The following SRRM3 variants were observed in gnomAD, a reference collection of about 807,000 sequenced individuals.
SRRM3 encodes the protein serine/arginine repetitive matrix protein 3.
Under a neutral mutation model 66.2 loss-of-function variants are expected in SRRM3, and 27 were observed. The observed-to-expected ratio is 0.41, with a 90% CI of 0.30 to 0.56. The LOEUF (loss-of-function observed/expected upper bound fraction) is 0.56. Ranked by LOEUF, SRRM3 falls within the 20% of genes least tolerant of loss-of-function variation. SRRM3 has a pLI of 0.32. For synonymous variants in SRRM3, 391 were observed against 414.9 expected (o/e 0.94, Z 0.70); for missense variants, 918 against 991.9 (o/e 0.93, Z 1.00).
At chr7:76,277,471 A>G (rs1026628027) in intron 11 of SRRM3, among the ~76,000 whole-genome samples, 2 of 152,016 alleles carry the variant, frequency 1.3e-5, no homozygotes, top group African/African-American at 4.8e-5. Flanking sequence ...AGGCAGGTGG[A>G]TCGCTTGAGG....
intron 2 of SRRM3, among the ~76,000 whole-genome samples, chr7:76,237,585 A>T (rs2117003515): frequency 6.6e-6 from 1 of 152,234 alleles, no homozygotes; most frequent in South Asian, 2.1e-4. Context: ...AAAACAAAAC[A>T]AAAACAAACA....
At position 76,259,854 on chromosome 7, in the gene SRRM3, G is replaced by C; in HGVS notation, c.336-52G>C. On this transcript the variant is annotated intron_variant, in intron 3 of 14. Coordinates refer to ENST00000611745, the MANE Select transcript of SRRM3 (RefSeq NM_001110199.3). Reference sequence around the variant, plus strand: ...TCAGGCCCCCTGCGCCGAGAAAAGGGGTGAAGAAAAGTCGTCCCGAGACTG... The same window carrying C: ...TCAGGCCCCCTGCGCCGAGAAAAGGCGTGAAGAAAAGTCGTCCCGAGACTG... The C allele has an allele frequency of 2.5e-6, 4 of 1,597,712 alleles. No individual in the cohort carries two copies. In the South Asian group the frequency reaches 3.3e-5, roughly 13 times the overall value.
intron 1 of SRRM3, among the ~76,000 whole-genome samples, chr7:76,214,250 G>T (rs539088511): frequency 2.0e-5 from 3 of 150,146 alleles, no homozygotes; most frequent in Non-Finnish European, 4.4e-5. Flanking sequence ...GACTTGGAGA[G>T]GCCACTGCTG....
chr7:76,203,146 A>G (rs1192143491), intron 1 of SRRM3, among the ~76,000 whole-genome samples: 1 of 152,212 alleles, frequency 6.6e-6, no homozygotes, highest in East Asian at 1.9e-4. Flanking sequence ...AGTCAAAAAT[A>G]GGACCCAGCT....
At chr7:76,284,747 C>A (rs1261025936) in intron 14 of SRRM3, among the ~76,000 whole-genome samples, 1 of 152,214 alleles carries the variant, frequency 6.6e-6, no homozygotes, top group Non-Finnish European at 1.5e-5. Flanking sequence ...CAGAATTAAC[C>A]CTGCGACGGG....
chr7:76,211,913 C>G (rs1271064869), intron 1 of SRRM3, among the ~76,000 whole-genome samples: 6 of 148,534 alleles, frequency 4.0e-5, no homozygotes, highest in Non-Finnish European at 7.4e-5. Flanking sequence ...AATCACGGCT[C>G]ACTGCAGCTT....
intron 1 of SRRM3, among the ~76,000 whole-genome samples, chr7:76,207,386 G>T (rs1286900585): frequency 1.3e-5 from 2 of 152,130 alleles, no homozygotes; most frequent in Non-Finnish European, 2.9e-5. Flanking sequence ...AGAAACCAAG[G>T]AGAAAATAGA....
intron 2 of SRRM3, among the ~76,000 whole-genome samples, chr7:76,244,523 CAAAAA>C (rs10611441): frequency 8.9e-6 from 1 of 112,182 alleles, no homozygotes; most frequent in African/African-American, 3.4e-5. Flanking sequence ...GACTCCATCT[CAAAAA>C]AAAAAAAAAA....
At position 76,281,821 on chromosome 7, in the gene SRRM3, G is replaced by A; in HGVS notation, c.1370+19G>A. ...GGAAACGGTGAGCGTGCTGGACCCGGAGCTGGACTCCCGCCCCCACCCCGC... is the reference window on the plus strand; with the variant it reads ...GGAAACGGTGAGCGTGCTGGACCCGAAGCTGGACTCCCGCCCCCACCCCGC... On this transcript the variant is annotated intron_variant, in intron 12 of 14. Transcript: ENST00000611745. 1 of 1,339,734 alleles carries A rather than the reference G, an allele frequency of 7.5e-7. No individual in the cohort carries two copies. The highest frequency in any genetic ancestry group is 9.6e-7 in the Non-Finnish European group (1 of 1,046,706). The allele number at this position is 1,339,734 out of a possible 1,614,324, so 83.0% of individuals were successfully genotyped here.
intron 11 of SRRM3, among the ~76,000 whole-genome samples, chr7:76,281,216 C>T (rs1219856752): frequency 1.3e-5 from 2 of 151,316 alleles, no homozygotes; most frequent in African/African-American, 4.9e-5. Context: ...TTCATTCTCT[C>T]TCTCCGTCTC....
At chr7:76,209,514 G>A (rs1219105104) in intron 1 of SRRM3, among the ~76,000 whole-genome samples, 1 of 152,182 alleles carries the variant, frequency 6.6e-6, no homozygotes, top group Non-Finnish European at 1.5e-5. Context: ...GGATTCAAGG[G>A]ATAGTTACCT....
rs568532229 is a variant in SRRM3 at position 76,255,876 on chromosome 7, C to T, written c.336-4030C>T. 1.2e-4 allele frequency among the ~76,000 whole-genome samples: 19 copies of T among 152,278 alleles called. No individual in the cohort carries two copies. In the East Asian group the frequency reaches 3.7e-3, roughly 29 times the overall value. ...CTCTGTTTCATTTTCTGTGTTGCAG[C>T]GTCTTTTCTCCCCGGAAGAGATGTT... On this transcript the variant is annotated intron_variant, in intron 3 of 14. Coordinates refer to ENST00000611745, the MANE Select transcript of SRRM3 (RefSeq NM_001110199.3).
At chr7:76,278,315 T>C (rs1554611415) in intron 11 of SRRM3, among the ~76,000 whole-genome samples, 2 of 152,022 alleles carry the variant, frequency 1.3e-5, no homozygotes. Flanking sequence ...GGTGAAACCC[T>C]GTCTCTACTA....
chr7:76,285,919 G>A lies in SRRM3; in HGVS notation c.*76G>A, dbSNP rs1165159638. ...GCGGGCCCCAGGACCCCAGTGGGGAGGGGGCTATATCTCCTTGCCCCCAAG... is the reference window on the plus strand; with the variant it reads ...GCGGGCCCCAGGACCCCAGTGGGGAAGGGGCTATATCTCCTTGCCCCCAAG... On this transcript the variant is annotated 3_prime_UTR_variant, in exon 15 of 15. Coordinates refer to ENST00000611745, the MANE Select transcript of SRRM3 (RefSeq NM_001110199.3). The surrounding 1 kb of genome is among the most constrained non-coding windows in gnomAD (Gnocchi z 4.1). The A allele has an allele frequency of 2.1e-6, 3 of 1,431,384 alleles. No homozygotes were observed. The highest frequency in any genetic ancestry group is 2.5e-5 in the East Asian group (1 of 40,050). 88.7% of individuals were successfully genotyped at this position (1,431,384 alleles called of 1,614,324 possible).
intron 3 of SRRM3, among the ~76,000 whole-genome samples, chr7:76,258,189 C>G (rs1801759497): frequency 6.6e-6 from 1 of 152,130 alleles, no homozygotes; most frequent in African/African-American, 2.4e-5. Context: ...GTCCTGCTGC[C>G]AGAGATGAGC....
In SRRM3 at chr7:76,268,787, C is replaced by T. The variant is rs367694588; in HGVS notation, c.1008+1352C>T. The T allele has an allele frequency of 4.4e-3, 676 of 152,582 alleles. 8 individuals carry two copies. Among genetic ancestry groups the T allele is most frequent in the African/African-American group, 0.016 (652 of 41,528 alleles). 9.5% of individuals were successfully genotyped at this position (152,582 alleles called of 1,614,324 possible). A position where few individuals can be genotyped will look rare whatever the true frequency, so the allele number is the denominator to read the frequency against. On this transcript the variant is annotated intron_variant, in intron 11 of 14. Transcript: ENST00000611745. ...GAGGATGACACTGATGTCCCCGGAT[C>T]TGTCTTGGGAGGGGGTTGAGGGCAG...
chr7:76,205,998 G>T (rs538629675), intron 1 of SRRM3, among the ~76,000 whole-genome samples: 1 of 152,194 alleles, frequency 6.6e-6, no homozygotes, highest in Admixed American at 6.5e-5. Context: ...GGGGTCATCT[G>T]GTCAAAACCC....
chr7:76,270,842 G>A (rs1344506705), intron 11 of SRRM3, among the ~76,000 whole-genome samples: 1 of 151,778 alleles, frequency 6.6e-6, no homozygotes, highest in Non-Finnish European at 1.5e-5. Context: ...GCCAGGCGTG[G>A]TGGGCACCTG....
intron 3 of SRRM3, among the ~76,000 whole-genome samples, chr7:76,256,438 C>T (rs568744637): frequency 1.3e-5 from 2 of 151,148 alleles, no homozygotes; most frequent in Admixed American, 1.3e-4. Flanking sequence ...ACCCTGGAGG[C>T]GGAGGTTGCA....
Sources: allele counts gnomAD v4.1 joint callset (sites outside exome capture counted in the v4.1 genomes callset), GRCh38; gene constraint gnomAD v4.1.1; non-coding constraint Gnocchi (gnomAD v3.1); transcripts MANE v1.5; gene names NCBI Gene and HGNC (gene_info 2026-07-23, HGNC 2026-07-21).